Variants in GRK1 observed in about 807,000 individuals in gnomAD.
GRK1 encodes rhodopsin kinase GRK1.
Under a neutral mutation model 41.7 loss-of-function variants are expected in GRK1, and 28 were observed. That is an observed-to-expected ratio of 0.67 (90% CI 0.50 to 0.92). The LOEUF (loss-of-function observed/expected upper bound fraction) is 0.92. Ranked by LOEUF, GRK1 falls within the 40% of genes least tolerant of loss-of-function variation. The pLI is 0.00. For missense variants in GRK1, 703 were observed against 671.2 expected (o/e 1.05, Z -0.52); for synonymous variants, 327 against 286.7 (o/e 1.14, Z -1.42).
chr13:113,657,574 C>A, the GRK1 span, among the ~76,000 whole-genome samples: 1 of 152,234 alleles, frequency 6.6e-6, no homozygotes, highest in Non-Finnish European at 1.5e-5. Context: ...CTGGTTTACT[C>A]CCCACCTCCG....
At chr13:113,668,846 T>C (rs961483435) in intron 1 of GRK1, among the ~76,000 whole-genome samples, 2 of 152,222 alleles carry the variant, frequency 1.3e-5, no homozygotes, top group African/African-American at 4.8e-5. Context: ...CTCTTAGGGT[T>C]AAGCAGCAGC....
At chr13:113,734,905 G>C in intron 6 of GRK1, 163 bp from the exon 7 acceptor site, 1 of 651,426 alleles carries the variant, frequency 1.5e-6, no homozygotes, top group Non-Finnish European at 2.4e-6. Context: ...GGGCCTTCTG[G>C]GAACACTGGG....
In GRK1 at chr13:113,735,175, G is replaced by A; in HGVS notation, c.1504G>A (p.Asp502Asn). ...TVKGVAFDKT[D>N]TEFFQEFATG... ...CAAAGGTGTGGCCTTTGACAAAACA[G>A]ACACAGAATTCTTTCAGGAATTTGC... The change falls in exon 7 of 7, where the codon GAC becomes AAC. Residue 502 changes from aspartate to asparagine, a missense_variant. Asp to Asn is a conservative substitution (Grantham distance 23). Transcript: ENST00000335678. 6.5e-7 allele frequency: 1 copy of A among 1,537,236 alleles called. No homozygotes were observed. The highest frequency in any genetic ancestry group is 8.7e-7 in the Non-Finnish European group (1 of 1,146,914).
chr13:113,664,440 A>AT (rs1292243844), upstream of GRK1, among the ~76,000 whole-genome samples: 2 of 152,066 alleles, frequency 1.3e-5, no homozygotes, highest in African/African-American at 2.4e-5. This position sits in a 1 kb window ranked among gnomAD's most constrained non-coding sequence, Gnocchi z 5.4. Context: ...TTAAAAAGGG[A>AT]TTTTCAGGGC....
chr13:113,669,797 G>A lies in GRK1; in HGVS notation c.810G>A (p.Met270Ile). 6.2e-7 allele frequency: 1 copy of A among 1,613,972 alleles called. No individual in the cohort carries two copies. The highest frequency in any genetic ancestry group is 8.5e-7 in the Non-Finnish European group (1 of 1,179,856). The change falls in exon 2 of 7, where the codon ATG (methionine) becomes ATA (isoleucine). Residue 270 changes from methionine (M) to isoleucine (I), a missense_variant. By Grantham distance (10) the Met-to-Ile change is conservative (BLOSUM62 1). Transcript: ENST00000335678. ...KADLCLVMTI[M>I]NGGDIRYHIY... ...ACCTCTGTCTGGTGATGACCATCAT[G>A]AACGGAGGTGACATCAGGTAAGGGC...
the GRK1 span, chr13:113,654,752 G>GGGC: frequency 8.1e-5 from 127 of 1,573,068 alleles, no homozygotes; most frequent in Non-Finnish European, 8.8e-5. Flanking sequence ...GGCGTCTCCA[G>GGGC]AGCCGAGGAG....
At position 113,735,574 on chromosome 13, in the gene GRK1, C is replaced by A. The variant is rs957030549; in HGVS notation, c.*211C>A. 1 of 501,586 alleles carries A rather than the reference C, an allele frequency of 2.0e-6. No homozygotes were observed. Among genetic ancestry groups the A allele is most frequent in the Non-Finnish European group, 3.4e-6 (1 of 290,370 alleles). 31.1% of individuals were successfully genotyped at this position (501,586 alleles called of 1,614,324 possible). A position where few individuals can be genotyped will look rare whatever the true frequency, so the allele number is the denominator to read the frequency against. On this transcript the variant is annotated 3_prime_UTR_variant, in exon 7 of 7. Transcript: ENST00000335678. ...CGCACATGCTGGTGCCGTGAGCCCC[C>A]GACTGCATATTTCACGTCTTTTGCT...
upstream of GRK1, among the ~76,000 whole-genome samples, chr13:113,665,749 CCTA>C (rs1366597920): frequency 6.7e-6 from 1 of 148,752 alleles, no homozygotes; most frequent in Non-Finnish European, 1.5e-5. Flanking sequence ...CCAGGTGTGT[CCTA>C]CGTGTGCACC....
chr13:113,663,671 G>C (rs2049801772), upstream of GRK1, among the ~76,000 whole-genome samples: 1 of 152,162 alleles, frequency 6.6e-6, no homozygotes, highest in Admixed American at 6.5e-5. Flanking sequence ...TTTCACCCAA[G>C]AGCACGCACA....
chr13:113,650,415 C>G, the GRK1 span: 1 of 1,613,996 alleles, frequency 6.2e-7, no homozygotes, highest in Non-Finnish European at 8.5e-7. This position sits in a 1 kb window ranked among gnomAD's most constrained non-coding sequence, Gnocchi z 5.0. Context: ...CCTGGGCTTT[C>G]TTCCCGTAAT....
chr13:113,655,744 T>G, the GRK1 span, among the ~76,000 whole-genome samples: 1 of 152,210 alleles, frequency 6.6e-6, no homozygotes, highest in Non-Finnish European at 1.5e-5. Context: ...AAGTCTGTAA[T>G]GAACTGGGCC....
the GRK1 span, chr13:113,653,449 C>T: frequency 4.4e-6 from 7 of 1,606,228 alleles, no homozygotes; most frequent in South Asian, 4.4e-5. Context: ...AGAGAGAGAC[C>T]TTTGTGCTTA....
chr13:113,664,916 C>T (rs1369408918), upstream of GRK1, among the ~76,000 whole-genome samples: 1 of 152,226 alleles, frequency 6.6e-6, no homozygotes, highest in Non-Finnish European at 1.5e-5. This position sits in a 1 kb window ranked among gnomAD's most constrained non-coding sequence, Gnocchi z 5.4. Flanking sequence ...CTGTGAAGGG[C>T]AGGGCTGGGC....
chr13:113,733,486 C>G (rs368941235), intron 6 of GRK1, among the ~76,000 whole-genome samples: 38 of 144,458 alleles, frequency 2.6e-4, no homozygotes, highest in African/African-American at 7.1e-4. Flanking sequence ...ATACTATGTG[C>G]GCGCGTGTGT....
At position 113,731,153 on chromosome 13, in the gene GRK1, A is replaced by AT. The variant is rs2049933868; in HGVS notation, c.1070-64dup. 1.9e-5 allele frequency: 28 copies of AT among 1,511,360 alleles called. No homozygotes were observed. Among genetic ancestry groups the AT allele is most frequent in the Non-Finnish European group, 2.5e-5 (28 of 1,130,244 alleles). The allele number at this position is 1,511,360 out of a possible 1,614,324, so 93.6% of individuals were successfully genotyped here. On this transcript the variant is annotated intron_variant, in intron 4 of 6. Coordinates refer to ENST00000335678, the MANE Select transcript of GRK1 (RefSeq NM_002929.3). The surrounding 1 kb of genome is among the most constrained non-coding windows in gnomAD (Gnocchi z 5.6). ...GCATCCCCAGAGCATCAGTCCTGCG[A>AT]TTCCTGGAGTGCGTGCCCACCATGG...
intron 4 of GRK1, among the ~76,000 whole-genome samples, chr13:113,728,413 T>TGATGAGGAGTACCCATGGC (rs2049909545): frequency 1.0e-5 from 1 of 99,550 alleles, no homozygotes; most frequent in East Asian, 3.3e-4. Flanking sequence ...GTACCCATGG[T>TGATGAGGAGTACCCATGGC]GATGAGGAGT....
At chr13:113,653,021 T>G in the GRK1 span, 1 of 1,614,042 alleles carries the variant, frequency 6.2e-7, no homozygotes, top group Non-Finnish European at 8.5e-7. Context: ...CTGGAAGAAG[T>G]ACTGCTCGGA....
chr13:113,733,596 C>CACGT (rs1380691614), intron 6 of GRK1, among the ~76,000 whole-genome samples: 1 of 143,750 alleles, frequency 7.0e-6, no homozygotes, highest in Non-Finnish European at 1.5e-5. Flanking sequence ...CGTGTGTGTG[C>CACGT]ATGTGTGCGC....
At chr13:113,730,527 C>T (rs1472327041) in intron 4 of GRK1, among the ~76,000 whole-genome samples, 1 of 151,110 alleles carries the variant, frequency 6.6e-6, no homozygotes, top group Non-Finnish European at 1.5e-5. Flanking sequence ...CCAGAGCCAT[C>T]CCCCCATCCC....
Sources: gnomAD v4.1 joint callset for allele counts (sites outside exome capture counted in the v4.1 genomes callset) on GRCh38, gnomAD v4.1.1 for gene constraint, Gnocchi (gnomAD v3.1) non-coding constraint, MANE v1.5 for transcripts, NCBI Gene and HGNC (gene_info 2026-07-23, HGNC 2026-07-21) for gene names.